Variants in CAP2 observed in about 807,000 individuals in gnomAD.
The protein encoded by CAP2 is cyclase associated actin cytoskeleton regulatory protein 2, also known as adenylyl cyclase-associated protein 2.
In CAP2, 24 loss-of-function variants were observed where a neutral mutation model predicts 57.7. The ratio of observed to expected loss-of-function variants is 0.42; its 90% confidence interval spans 0.30 to 0.58. The LOEUF (loss-of-function observed/expected upper bound fraction) is 0.58, where lower values mean the gene tolerates loss of function less well. CAP2 is among the 20% of genes least tolerant of loss of function. The pLI, the probability that CAP2 is intolerant of heterozygous loss-of-function variation, is 0.22. For missense variants in CAP2, 501 were observed against 590.3 expected, an observed-to-expected ratio of 0.85 and a Z score of 1.57; for synonymous variants, 194 against 207.2, an observed-to-expected ratio of 0.94 and a Z score of 0.55.
intron 1 of CAP2, among the ~76,000 whole-genome samples, chr6:17,421,332 C>A (rs747170016): frequency 2.6e-5 from 4 of 152,120 alleles, no homozygotes; most frequent in Non-Finnish European, 5.9e-5. Context: ...GAAATCACCA[C>A]TAAAGAACTT....
Position 17,426,585 on chromosome 6 carries a change from C to A in CAP2, c.122-5C>A, listed in dbSNP as rs1192566162. ...AGGGAATAACAAACTGCTCCTTTCC[C>A]CAAGGTGTGGCACCCTCCGTGGAAG... On this transcript the variant is annotated splice_polypyrimidine_tract_variant and splice_region_variant and intron_variant, in intron 2 of 12. Transcript: ENST00000229922. The A allele has an allele frequency of 2.5e-6, 4 of 1,610,722 alleles. No individual in the cohort carries two copies. The highest frequency in any genetic ancestry group is 3.4e-6 in the Non-Finnish European group (4 of 1,177,038).
chr6:17,522,303 C>G lies in CAP2; in HGVS notation c.636+8349C>G, dbSNP rs201351920. ...TATAGGGAAATCATTCACTTTTACA[C>G]GTTCATTTATTTAGTAATTCACTTC... is the stretch of plus-strand genomic sequence containing the variant. On this transcript the variant is annotated intron_variant, in intron 7 of 12. Coordinates refer to ENST00000229922, the MANE Select transcript of CAP2 (RefSeq NM_006366.3). Among the ~76,000 whole-genome samples, 7 of 152,112 alleles carry G rather than the reference C, an allele frequency of 4.6e-5. No individual in the cohort carries two copies. In the East Asian group the frequency reaches 1.3e-3, roughly 29 times the overall value.
intron 3 of CAP2, among the ~76,000 whole-genome samples, chr6:17,427,550 A>T (rs556522963): frequency 6.6e-6 from 1 of 151,726 alleles, no homozygotes; most frequent in South Asian, 2.1e-4. Flanking sequence ...GCCTCTACGC[A>T]CTGTTGATGG....
intron 7 of CAP2, among the ~76,000 whole-genome samples, chr6:17,525,105 G>A (rs1762475461): frequency 1.3e-5 from 2 of 151,840 alleles, no homozygotes; most frequent in Non-Finnish European, 2.9e-5. Context: ...GTTTCACCAT[G>A]TTGGCCAGGC....
At chr6:17,441,396 C>T (rs1022231109) in intron 3 of CAP2, among the ~76,000 whole-genome samples, 1 of 151,596 alleles carries the variant, frequency 6.6e-6, no homozygotes, top group Non-Finnish European at 1.5e-5. Flanking sequence ...ATATCAAGTG[C>T]ATTTTAAAAT....
chr6:17,529,948 G>T (rs961342164), intron 7 of CAP2, among the ~76,000 whole-genome samples: 1 of 151,380 alleles, frequency 6.6e-6, no homozygotes, highest in Non-Finnish European at 1.5e-5. Flanking sequence ...GAGCCCAGGA[G>T]TTCGAGACCA....
intron 7 of CAP2, chr6:17,531,425 G>A (rs1008974422): frequency 1.9e-5 from 31 of 1,591,024 alleles, no homozygotes; most frequent in South Asian, 3.3e-5. Flanking sequence ...TGCCATCCTC[G>A]CCATTTGAAT....
rs1760165999 is a variant in CAP2, at chr6:17,443,875, A to G, written c.222+17185A>G. Among the ~76,000 whole-genome samples the G allele has an allele frequency of 2.6e-5, 4 of 152,308 alleles. No individual in the cohort carries two copies. In the South Asian group the frequency reaches 8.3e-4, roughly 32 times the overall value. On this transcript the variant is annotated intron_variant, in intron 3 of 12. Transcript: ENST00000229922. ...TGCCAGATTTTACATACACACACAT[A>G]TGTTATAACATATTACACACCAAGT... is the stretch of plus-strand genomic sequence containing the variant.
At chr6:17,445,632 T>G (rs1760236685) in intron 3 of CAP2, among the ~76,000 whole-genome samples, 2 of 152,098 alleles carry the variant, frequency 1.3e-5, no homozygotes. Flanking sequence ...GTTTCAAGAG[T>G]CTTTGACCGT....
rs144010433 is a variant in CAP2, at chr6:17,453,975, C to T, written c.223-9021C>T. Among the ~76,000 whole-genome samples the T allele has an allele frequency of 3.8e-3, 571 of 150,520 alleles. 4 individuals carry two copies. The highest frequency in any genetic ancestry group is 0.013 in the African/African-American group (545 of 40,870). On this transcript the variant is annotated intron_variant, in intron 3 of 12. Coordinates refer to ENST00000229922, the MANE Select transcript of CAP2 (RefSeq NM_006366.3). ...TCACGGCTCACTGCAGCCTCAGCCT[C>T]CTGGGCTCAAGCAACCCTCCCACCT... is the stretch of plus-strand genomic sequence containing the variant.
chr6:17,464,302 T>A (rs1042072748), intron 4 of CAP2, among the ~76,000 whole-genome samples: 1 of 152,194 alleles, frequency 6.6e-6, no homozygotes, highest in Non-Finnish European at 1.5e-5. Flanking sequence ...AAAAATAAAT[T>A]GAGCATATGT....
At chr6:17,474,753 A>T (rs1444980771) in intron 4 of CAP2, among the ~76,000 whole-genome samples, 1 of 152,154 alleles carries the variant, frequency 6.6e-6, no homozygotes, top group Admixed American at 6.5e-5. Context: ...CCATCCCCTC[A>T]ACAAGATTTG....
chr6:17,501,191 C>G (rs1761812855), intron 4 of CAP2, among the ~76,000 whole-genome samples: 1 of 152,098 alleles, frequency 6.6e-6, no homozygotes, highest in African/African-American at 2.4e-5. Context: ...GAATTAAACT[C>G]TTAGAATCAT....
At chr6:17,436,935 G>C (rs908826243) in intron 3 of CAP2, among the ~76,000 whole-genome samples, 1 of 152,144 alleles carries the variant, frequency 6.6e-6, no homozygotes, top group African/African-American at 2.4e-5. Flanking sequence ...TCTCAGAGGA[G>C]CATAAACCCT....
At chr6:17,458,471 A>G (rs986478284) in intron 3 of CAP2, among the ~76,000 whole-genome samples, 2 of 152,204 alleles carry the variant, frequency 1.3e-5, no homozygotes, top group African/African-American at 4.8e-5. Flanking sequence ...CTTGGATGAG[A>G]AGTGACAAGG....
In CAP2 at chr6:17,513,807, A is replaced by G. The variant is rs202081923; in HGVS notation, c.531-42A>G. ...CACAATTTTTTTAAAATTTTATTTT[A>G]GATCCTAACTCTGCTTTCTTCAACC... On this transcript the variant is annotated intron_variant, in intron 6 of 12. Transcript: ENST00000229922. The surrounding 1 kb of genome is among the most constrained non-coding windows in gnomAD (Gnocchi z 4.3). 7 of 1,378,774 alleles carry G rather than the reference A, an allele frequency of 5.1e-6. No individual in the cohort carries two copies. The East Asian group carries it at 6.9e-5, about 14-fold the overall frequency. The allele number at this position is 1,378,774 out of a possible 1,614,324, so 85.4% of individuals were successfully genotyped here. A position where few individuals can be genotyped will look rare whatever the true frequency, so the allele number is the denominator to read the frequency against.
At chr6:17,555,667 G>A (rs1204949883) in intron 12 of CAP2, among the ~76,000 whole-genome samples, 2 of 151,834 alleles carry the variant, frequency 1.3e-5, no homozygotes, top group Admixed American at 6.6e-5. Flanking sequence ...GGGTTCAAGC[G>A]ATTCTCCTGC....
intron 4 of CAP2, among the ~76,000 whole-genome samples, chr6:17,474,340 G>A (rs544431321): frequency 6.6e-6 from 1 of 151,936 alleles, no homozygotes; most frequent in South Asian, 2.1e-4. Flanking sequence ...AAATGGGCAT[G>A]TCAGGTTTTG....
At chr6:17,473,594 A>T (rs1374137974) in intron 4 of CAP2, among the ~76,000 whole-genome samples, 1 of 152,198 alleles carries the variant, frequency 6.6e-6, no homozygotes, top group African/African-American at 2.4e-5. Flanking sequence ...AGCAGCCTTA[A>T]CTTAGATCCT....
Sources: gnomAD v4.1 joint callset for allele counts (sites outside exome capture counted in the v4.1 genomes callset) on GRCh38, gnomAD v4.1.1 for gene constraint, Gnocchi (gnomAD v3.1) non-coding constraint, MANE v1.5 for transcripts, NCBI Gene and HGNC (gene_info 2026-07-23, HGNC 2026-07-21) for gene names.